Variants in TRA2B observed in about 807,000 individuals in gnomAD.
TRA2B encodes transformer-2 protein homolog beta.
Under a neutral mutation model 41.7 loss-of-function variants are expected in TRA2B, and 14 were observed. That is an observed-to-expected ratio of 0.34 (90% CI 0.22 to 0.53). TRA2B has a LOEUF of 0.53. Ranked by LOEUF, TRA2B falls within the 20% of genes least tolerant of loss-of-function variation. TRA2B has a pLI of 0.95. For synonymous variants in TRA2B, 130 were observed against 128.8 expected (o/e 1.01, Z -0.06); for missense variants, 167 against 396.8 (o/e 0.42, Z 4.92).
At chr3:185,936,512 A>G in intron 1 of TRA2B, 2 of 985,396 alleles carry the variant, frequency 2.0e-6, no homozygotes, top group African/African-American at 3.5e-5. Flanking sequence ...TACGCAGGAA[A>G]CTCACGCTTC....
In TRA2B at chr3:185,919,506, CAG is replaced by C; in HGVS notation, c.723-12_723-11del. ...TCCTCCACCTCCTCCTCTGTGAAGA[CAG>C]AAAGGCAACACAACACGCATTCAGT... is the stretch of plus-strand genomic sequence containing the variant. On this transcript the variant is annotated splice_polypyrimidine_tract_variant and intron_variant, in intron 6 of 8. Coordinates refer to ENST00000453386, the MANE Select transcript of TRA2B (RefSeq NM_004593.3). The C allele has an allele frequency of 6.2e-7, 1 of 1,609,222 alleles. No homozygotes were observed.
chr3:185,937,801 A>AC (rs761095375), intron 1 of TRA2B, 24 bp downstream of exon 1: 3 of 1,613,670 alleles, frequency 1.9e-6, no homozygotes, highest in South Asian at 2.2e-5. Context: ...CCACACAGCC[A>AC]CCCCCTACCG....
intron 2 of TRA2B, 136 bp from the exon 3 acceptor site, chr3:185,925,762 A>C: frequency 1.1e-6 from 1 of 871,496 alleles, no homozygotes; most frequent in African/African-American, 1.7e-5. Context: ...AGTAGGATCA[A>C]TACTTTTCTT....
At chr3:185,931,207 GAAGGA>G (rs939127124) in intron 1 of TRA2B, among the ~76,000 whole-genome samples, 2 of 152,156 alleles carry the variant, frequency 1.3e-5, no homozygotes, top group Non-Finnish European at 2.9e-5. Context: ...GCTCAGTACT[GAAGGA>G]AAGGGGACAG....
chr3:185,926,146 G>A (rs1269872619), intron 2 of TRA2B, among the ~76,000 whole-genome samples: 3 of 150,748 alleles, frequency 2.0e-5, no homozygotes, highest in African/African-American at 4.9e-5. Context: ...AAATGGTATC[G>A]CCCCAGGCAA....
chr3:185,925,775 CTAATT>C, intron 2 of TRA2B, 149 bp from the exon 3 acceptor site: 1 of 812,088 alleles, frequency 1.2e-6, no homozygotes, highest in Non-Finnish European at 1.7e-6. Context: ...CTTTTCTTCT[CTAATT>C]ATTTAGTCAT....
chr3:185,918,259 G>T, intron 8 of TRA2B, 106 bp downstream of exon 8: 1 of 759,974 alleles, frequency 1.3e-6, no homozygotes, highest in Non-Finnish European at 2.1e-6. Flanking sequence ...AGAATCATTA[G>T]GTATGAAACT....
At chr3:185,936,268 A>C (rs1219119307) in intron 1 of TRA2B, 1 of 985,336 alleles carries the variant, frequency 1.0e-6, no homozygotes, top group Non-Finnish European at 1.2e-6. Context: ...GACTGTTATA[A>C]CAGATTCAAC....
chr3:185,931,735 G>T, intron 1 of TRA2B: 1 of 1,457,730 alleles, frequency 6.9e-7, no homozygotes, highest in Non-Finnish European at 9.0e-7. Flanking sequence ...CTGATAATTA[G>T]CATGCATTCT....
intron 8 of TRA2B, 84 bp from the exon 9 acceptor site, chr3:185,917,809 C>T (rs1217820575): frequency 1.4e-6 from 2 of 1,468,674 alleles, no homozygotes; most frequent in African/African-American, 1.4e-5. Flanking sequence ...TCAGAATATT[C>T]TGCCATTAAG....
chr3:185,934,491 C>T, intron 1 of TRA2B: 4 of 985,388 alleles, frequency 4.1e-6, no homozygotes, highest in Non-Finnish European at 4.8e-6. Flanking sequence ...ACAATATCCA[C>T]AATATTAAAG....
At chr3:185,924,914 T>G (rs1268051208) in intron 3 of TRA2B, 1 of 152,252 alleles carries the variant, frequency 6.6e-6, no homozygotes, top group Admixed American at 6.5e-5. Context: ...TTTCATAAAC[T>G]AACAATTTAC....
Position 185,916,697 on chromosome 3 carries a change from AATTAT to A in TRA2B, c.*1013_*1017del, listed in dbSNP as rs1332972876. On this transcript the variant is annotated 3_prime_UTR_variant, in exon 9 of 9. Coordinates refer to ENST00000453386, the MANE Select transcript of TRA2B (RefSeq NM_004593.3). ...AACGATTAAACTACAGAAGAACTCT[AATTAT>A]AATAGAACAAGAACACTTCTTTGTG... 6.6e-6 allele frequency: 1 copy of A among 152,642 alleles called. No homozygotes were observed. Among genetic ancestry groups the A allele is most frequent in the Middle Eastern group, 3.2e-3 (1 of 314 alleles). The allele number at this position is 152,642 out of a possible 1,614,324, so 9.5% of individuals were successfully genotyped here.
intron 1 of TRA2B, chr3:185,928,027 A>C (rs1744017342): frequency 6.6e-6 from 1 of 152,246 alleles, no homozygotes; most frequent in Admixed American, 6.5e-5. Context: ...CTTTCAGATA[A>C]AATCACAAGA....
chr3:185,929,213 T>C (rs1358042192), intron 1 of TRA2B: 1 of 152,224 alleles, frequency 6.6e-6, no homozygotes, highest in Non-Finnish European at 1.5e-5. Context: ...TTTCTGAAGT[T>C]ATTTTGGCCA....
chr3:185,937,344 G>A (rs1744402704), intron 1 of TRA2B: 1 of 991,810 alleles, frequency 1.0e-6, no homozygotes, highest in African/African-American at 1.7e-5. Context: ...AACGTCGTCT[G>A]TCCCCTTGCA....
intron 6 of TRA2B, 26 bp downstream of exon 6, chr3:185,921,078 G>T: frequency 6.2e-7 from 1 of 1,600,564 alleles, no homozygotes; most frequent in Non-Finnish European, 8.6e-7. Flanking sequence ...AGATTCAGAC[G>T]TTGACCTTTC....
chr3:185,933,437 A>C (rs929169576), intron 1 of TRA2B, among the ~76,000 whole-genome samples: 2 of 152,204 alleles, frequency 1.3e-5, no homozygotes, highest in African/African-American at 2.4e-5. Context: ...AAGAGACCCT[A>C]GTTAGAAATA....
At chr3:185,918,108 T>TA (rs1394797181) in intron 8 of TRA2B, among the ~76,000 whole-genome samples, 1 of 152,168 alleles carries the variant, frequency 6.6e-6, no homozygotes, top group African/African-American at 2.4e-5. Flanking sequence ...CATTATTTAC[T>TA]ATTTCAGTTA....
Sources: allele counts gnomAD v4.1 joint callset (sites outside exome capture counted in the v4.1 genomes callset), GRCh38; gene constraint gnomAD v4.1.1; transcripts MANE v1.5; gene names NCBI Gene and HGNC (gene_info 2026-07-23, HGNC 2026-07-21).